The following ATP5F1C variants were observed in gnomAD, a reference collection of about 807,000 sequenced individuals.
ATP5F1C encodes the protein ATP synthase F1 subunit gamma.
A neutral mutation model predicts 37.4 loss-of-function variants in ATP5F1C; 22 were observed. The ratio of observed to expected loss-of-function variants is 0.59; its 90% CI spans 0.42 to 0.84. The LOEUF (loss-of-function observed/expected upper bound fraction) is 0.84. ATP5F1C is among the 40% of genes least tolerant of loss of function. The probability of loss-of-function intolerance (pLI) is 0.00; values close to 1 mark genes in which losing one functional copy is unlikely to be tolerated. For synonymous variants in ATP5F1C, 121 were observed against 128.0 expected, an observed-to-expected ratio of 0.95 and a Z score of 0.37; for missense variants, 286 against 362.4, an observed-to-expected ratio of 0.79 and a Z score of 1.71.
chr10:7,798,499 C>T (rs10905232), intron 3 of ATP5F1C, among the ~76,000 whole-genome samples: 78,683 of 151,916 alleles, frequency 0.52, 21,005 homozygotes, highest in East Asian at 0.68. Flanking sequence ...CTCTGCCTCC[C>T]GGGTTCACGC....
chr10:7,796,975 AAT>A lies in ATP5F1C; in HGVS notation c.92-69_92-68del, dbSNP rs1836251266. 3.3e-6 allele frequency: 5 copies of A among 1,535,064 alleles called. No homozygotes were observed. The Admixed American group carries it at 7.7e-5, about 24-fold the overall frequency. On this transcript the variant is annotated intron_variant, in intron 2 of 9. Transcript: ENST00000356708. ...ATTATTCTGCCTTGCACTTCAGAAAAATATGTCAATAAATTCACAAGGAAGTT... is the reference window on the plus strand; with the variant it reads ...ATTATTCTGCCTTGCACTTCAGAAAAATGTCAATAAATTCACAAGGAAGTT...
intron 6 of ATP5F1C, 87 bp from the exon 7 acceptor site, chr10:7,802,183 A>G (rs1836378644): frequency 7.5e-6 from 10 of 1,328,338 alleles, no homozygotes; most frequent in Non-Finnish European, 1.0e-5. Context: ...CTGTAATTAT[A>G]AAGGAGTTTT....
chr10:7,805,746 C>CAAAAAAAAA (rs547312025), intron 8 of ATP5F1C, among the ~76,000 whole-genome samples: 1 of 89,888 alleles, frequency 1.1e-5, no homozygotes, highest in African/African-American at 4.3e-5. Context: ...GACTCCTTCT[C>CAAAAAAAAA]AAAAAAAAAA....
At chr10:7,798,196 ATGTG>A (rs35871024) in intron 3 of ATP5F1C, among the ~76,000 whole-genome samples, 4 of 150,886 alleles carry the variant, frequency 2.7e-5, no homozygotes, top group African/African-American at 9.7e-5. Context: ...TTGTTTTTTT[ATGTG>A]TGTGTGTGTG....
At chr10:7,798,278 C>T (rs1176963019) in intron 3 of ATP5F1C, among the ~76,000 whole-genome samples, 1 of 151,724 alleles carries the variant, frequency 6.6e-6, no homozygotes, top group Non-Finnish European at 1.5e-5. Flanking sequence ...ATTCTGTTGC[C>T]CAGGCTAGAG....
At chr10:7,805,241 C>A (rs1836452033) in intron 8 of ATP5F1C, among the ~76,000 whole-genome samples, 1 of 152,178 alleles carries the variant, frequency 6.6e-6, no homozygotes, top group South Asian at 2.1e-4. Flanking sequence ...TCCTTCTTGC[C>A]ATCTACCCCA....
rs1015275368 is a variant in ATP5F1C, at chr10:7,796,899, A to G, written c.92-148A>G. ...GTGCCCGGCTATTAGTACTAGTTCT[A>G]ATATTAAGACTGGTTTAGCATCGTG... On this transcript the variant is annotated intron_variant, in intron 2 of 9. Transcript: ENST00000356708. 5.8e-5 allele frequency: 52 copies of G among 902,936 alleles called. No homozygotes were observed. In the African/African-American group the frequency reaches 6.5e-4, roughly 11 times the overall value. The allele number at this position is 902,936 out of a possible 1,614,324, so 55.9% of individuals were successfully genotyped here.
At chr10:7,796,866 G>A (rs1057276594) in intron 2 of ATP5F1C, 181 bp from the exon 3 acceptor site, 60 of 579,528 alleles carry the variant, frequency 1.0e-4, no homozygotes, top group Admixed American at 1.4e-4. Context: ...TTACAGGCGT[G>A]AGCCACCGTG....
At position 7,800,145 on chromosome 10, in the gene ATP5F1C, G is replaced by C. The variant is rs988856840; in HGVS notation, c.637+54G>C. 3.3e-6 allele frequency: 5 copies of C among 1,510,372 alleles called. No homozygotes were observed. The African/African-American group carries it at 6.9e-5, about 21-fold the overall frequency. The allele number at this position is 1,510,372 out of a possible 1,614,324, so 93.6% of individuals were successfully genotyped here. A position where few individuals can be genotyped will look rare whatever the true frequency, so the allele number is the denominator to read the frequency against. ...TTTGGCATATAGAATGGAGAGATTT[G>C]TACACTAAGGCAGACAGTGTCAAGA... On this transcript the variant is annotated intron_variant, in intron 6 of 9. Coordinates refer to ENST00000356708, the MANE Select transcript of ATP5F1C (RefSeq NM_001001973.3).
chr10:7,806,786 C>A (rs930463836), intron 8 of ATP5F1C, among the ~76,000 whole-genome samples, 188 bp from the exon 9 acceptor site: 16 of 152,098 alleles, frequency 1.1e-4, no homozygotes, highest in African/African-American at 3.9e-4. Context: ...AAATCTATGA[C>A]TTTTTATAAC....
Position 7,802,870 on chromosome 10 carries a change from T to C in ATP5F1C, c.890+16T>C. The C allele has an allele frequency of 3.7e-6, 6 of 1,605,160 alleles. No individual in the cohort carries two copies. Among genetic ancestry groups the C allele is most frequent in the Non-Finnish European group, 4.3e-6 (5 of 1,176,172 alleles). On this transcript the variant is annotated intron_variant, in intron 8 of 9. Transcript: ENST00000356708. ...CTGCAGCTCTGTGAGTAATTGTAGA[T>C]TGTCGCCTTCAGAGAATTTTTTTTC...
intron 1 of ATP5F1C, among the ~76,000 whole-genome samples, chr10:7,790,534 C>A (rs545303329): frequency 9.2e-5 from 14 of 152,226 alleles, no homozygotes; most frequent in South Asian, 4.1e-4. Context: ...TTTTTAATAA[C>A]GTGTCAGTAG....
At chr10:7,794,942 C>T (rs1002689710) in intron 1 of ATP5F1C, among the ~76,000 whole-genome samples, 16 of 152,140 alleles carry the variant, frequency 1.1e-4, no homozygotes, top group African/African-American at 3.9e-4. Context: ...GCATCTTCAT[C>T]CAGGTTCTTG....
chr10:7,798,691 C>T (rs1402146875), intron 3 of ATP5F1C, among the ~76,000 whole-genome samples: 8 of 152,130 alleles, frequency 5.3e-5, no homozygotes, highest in Non-Finnish European at 1.2e-4. Flanking sequence ...CCACCGTGCC[C>T]AGCCAATTTT....
In ATP5F1C at chr10:7,802,260, G is replaced by A. The variant is rs745620256; in HGVS notation, c.638-10G>A. ...ATAACTTGAAAGAAACTCATCACTT[G>A]TTTTAACAGACAGCATGAGTATCTA... On this transcript the variant is annotated splice_polypyrimidine_tract_variant and intron_variant, in intron 6 of 9. Coordinates refer to ENST00000356708, the MANE Select transcript of ATP5F1C (RefSeq NM_001001973.3). 2 of 1,596,880 alleles carry A rather than the reference G, an allele frequency of 1.3e-6. No homozygotes were observed. Among genetic ancestry groups the A allele is most frequent in the African/African-American group, 2.7e-5 (2 of 74,376 alleles).
intron 3 of ATP5F1C, 149 bp from the exon 4 acceptor site, chr10:7,798,841 G>A (rs1836293027): frequency 4.2e-6 from 3 of 712,100 alleles, no homozygotes; most frequent in Middle Eastern, 4.2e-4. Context: ...TCAGCTTACA[G>A]CTGTCCTAAG....
At chr10:7,792,163 T>C (rs1488231307) in intron 1 of ATP5F1C, among the ~76,000 whole-genome samples, 1 of 152,250 alleles carries the variant, frequency 6.6e-6, no homozygotes, top group Non-Finnish European at 1.5e-5. Flanking sequence ...AAAGCTGTTG[T>C]AGTAGAACAG....
At chr10:7,791,067 C>T (rs555643298) in intron 1 of ATP5F1C, among the ~76,000 whole-genome samples, 4 of 151,978 alleles carry the variant, frequency 2.6e-5, no homozygotes, top group Non-Finnish European at 5.9e-5. Context: ...TTTGAGAGGC[C>T]GAGGCGGGCG....
intron 6 of ATP5F1C, among the ~76,000 whole-genome samples, chr10:7,800,677 T>C (rs1279425516): frequency 6.6e-6 from 1 of 151,988 alleles, no homozygotes; most frequent in East Asian, 1.9e-4. Flanking sequence ...GTATTTTTAG[T>C]AGAGACAGCA....
Sources: allele counts gnomAD v4.1 joint callset (sites outside exome capture counted in the v4.1 genomes callset), GRCh38; gene constraint gnomAD v4.1.1; transcripts MANE v1.5; gene names NCBI Gene and HGNC (gene_info 2026-07-23, HGNC 2026-07-21).